Variants in AHRR observed in about 807,000 individuals in gnomAD.
AHRR encodes the protein aryl hydrocarbon receptor repressor.
A neutral mutation model predicts 44.0 loss-of-function variants in AHRR; 28 were observed. The observed-to-expected ratio is 0.64, with a 90% CI of 0.47 to 0.87. The LOEUF is 0.87. Among genes scored for constraint, AHRR ranks in the 40% least tolerant of loss-of-function variants. The pLI, the probability that AHRR is intolerant of heterozygous loss-of-function variation, is 0.00. For synonymous variants in AHRR, 434 were observed against 407.0 expected (o/e 1.07, Z -0.80); for missense variants, 990 against 953.9 (o/e 1.04, Z -0.50).
rs1247209711 is a variant in AHRR at position 340,040 on chromosome 5, AG to A, written c.-10-3852del. Among the ~76,000 whole-genome samples, 3 of 152,340 alleles carry A rather than the reference AG, an allele frequency of 2.0e-5. No individual in the cohort carries two copies. In the East Asian group the frequency reaches 5.8e-4, roughly 29 times the overall value. ...CGTGCAATGCCTTTGGTGTGGCATC[AG>A]AGTAATGCTGAATTCGTAAATAAGT... is the stretch of plus-strand genomic sequence containing the variant. On this transcript the variant is annotated intron_variant, in intron 1 of 10. Coordinates refer to ENST00000684583, the MANE Select transcript of AHRR (RefSeq NM_001377236.1).
At chr5:345,201 T>G (rs1467883670) in intron 2 of AHRR, among the ~76,000 whole-genome samples, 9 of 26,028 alleles carry the variant, frequency 3.5e-4, no homozygotes, top group Non-Finnish European at 6.1e-4. Flanking sequence ...TGTGTGTGTG[T>G]GTGTGTGTGT....
intron 1 of AHRR, among the ~76,000 whole-genome samples, chr5:330,945 C>T (rs1390721155): frequency 2.9e-5 from 4 of 138,970 alleles, no homozygotes; most frequent in Admixed American, 7.4e-5. Flanking sequence ...GTGATCTCGG[C>T]TCACTGCAAG....
chr5:349,012 A>C (rs1276020474), intron 2 of AHRR, among the ~76,000 whole-genome samples: 1 of 152,034 alleles, frequency 6.6e-6, no homozygotes, highest in Non-Finnish European at 1.5e-5. Flanking sequence ...GACCATCCTC[A>C]TGGGTTGGTG....
At chr5:423,181 G>T (rs1736212693) in intron 6 of AHRR, among the ~76,000 whole-genome samples, 1 of 152,166 alleles carries the variant, frequency 6.6e-6, no homozygotes, top group Non-Finnish European at 1.5e-5. Flanking sequence ...CTCCCCTCAA[G>T]TCTCACGTCT....
intron 4 of AHRR, among the ~76,000 whole-genome samples, chr5:408,233 GGGT>G (rs1394101472): frequency 3.3e-5 from 5 of 152,234 alleles, no homozygotes; most frequent in Admixed American, 6.5e-5. Flanking sequence ...CCCCTTGTAT[GGGT>G]GGTGGTGGGC....
intron 4 of AHRR, among the ~76,000 whole-genome samples, chr5:377,735 G>A (rs116367468): frequency 0.057 from 8,682 of 152,308 alleles, 378 homozygotes; most frequent in Non-Finnish European, 0.077. Context: ...CCCAGCTCCT[G>A]GGGCCTGGGA....
At chr5:416,011 C>T (rs563606728) in intron 5 of AHRR, among the ~76,000 whole-genome samples, 12 of 152,328 alleles carry the variant, frequency 7.9e-5, no homozygotes, top group East Asian at 1.9e-4. Flanking sequence ...ACGTGACTGC[C>T]GGGCCCATTG....
At position 422,870 on chromosome 5, in the gene AHRR, G is replaced by A; in HGVS notation, c.571+12G>A. On this transcript the variant is annotated intron_variant, in intron 6 of 10. Transcript: ENST00000684583. ...GCCCTTGGAGACAGGTGGGTGTCTG[G>A]GGTCCAAGTGAGTCAGCAAAACCTA... The A allele has an allele frequency of 6.2e-7, 1 of 1,603,330 alleles. No homozygotes were observed. The highest frequency in any genetic ancestry group is 8.5e-7 in the Non-Finnish European group (1 of 1,174,550).
At position 398,287 on chromosome 5, in the gene AHRR, A is replaced by G. The variant is rs984969452; in HGVS notation, c.352-15057A>G. Among the ~76,000 whole-genome samples the G allele has an allele frequency of 4.5e-4, 67 of 149,012 alleles. 1 individual carries two copies. Among genetic ancestry groups the G allele is most frequent in the African/African-American group, 1.6e-3 (64 of 39,522 alleles). ...CTGACCATCCACGTAGCCCCTGACC[A>G]TCCGTGTTAGCCCCTGACCTTCCGC... On this transcript the variant is annotated intron_variant, in intron 4 of 10. Transcript: ENST00000684583.
intron 3 of AHRR, among the ~76,000 whole-genome samples, chr5:375,661 C>T (rs1043987015): frequency 3.9e-5 from 6 of 152,212 alleles, no homozygotes; most frequent in East Asian, 1.9e-4. Context: ...CCGGGAGACG[C>T]GGGAGCAGCA....
chr5:398,141 T>C (rs1734836470), intron 4 of AHRR, among the ~76,000 whole-genome samples: 1 of 130,576 alleles, frequency 7.7e-6, no homozygotes, highest in African/African-American at 3.3e-5. Flanking sequence ...CCGTCCATGT[T>C]AGCCCCTGAC....
At position 353,717 on chromosome 5, in the gene AHRR, C is replaced by T. The variant is rs754811245; in HGVS notation, c.63-13C>T. ...GTGGAGAAGCCCACCTGACCCAGAC[C>T]ATCTCCCCACAGGAGGCCCGCCGTG... On this transcript the variant is annotated splice_polypyrimidine_tract_variant and intron_variant, in intron 2 of 10. Transcript: ENST00000684583. The T allele has an allele frequency of 3.1e-5, 49 of 1,599,124 alleles. No individual in the cohort carries two copies. In the South Asian group the frequency reaches 5.4e-4, roughly 17 times the overall value.
intron 3 of AHRR, among the ~76,000 whole-genome samples, chr5:365,135 GAAAA>G (rs1000855447): frequency 7.0e-6 from 1 of 143,128 alleles, no homozygotes; most frequent in African/African-American, 2.6e-5. Flanking sequence ...ACAATGCAAA[GAAAA>G]AAAAAAGGTT....
chr5:389,550 C>T (rs1236283923), intron 4 of AHRR, among the ~76,000 whole-genome samples: 2 of 152,074 alleles, frequency 1.3e-5, no homozygotes, highest in Non-Finnish European at 2.9e-5. Flanking sequence ...CCCAGGTCCC[C>T]CCATTCTGTG....
chr5:322,048 C>G (rs1741514475), intron 1 of AHRR, among the ~76,000 whole-genome samples: 1 of 152,046 alleles, frequency 6.6e-6, no homozygotes, highest in South Asian at 2.1e-4. Flanking sequence ...GCGGCGCGTC[C>G]ACGGTTCGTG....
chr5:390,160 C>T (rs182060628), intron 4 of AHRR, among the ~76,000 whole-genome samples: 251 of 152,240 alleles, frequency 1.6e-3, no homozygotes, highest in African/African-American at 4.9e-3. Context: ...CTGCAGTCAA[C>T]GGTAACTTAA....
At chr5:390,640 G>T (rs900224606) in intron 4 of AHRR, among the ~76,000 whole-genome samples, 3 of 152,152 alleles carry the variant, frequency 2.0e-5, no homozygotes, top group South Asian at 4.1e-4. Flanking sequence ...CAGGAAGATC[G>T]GAGGGCAGGG....
rs1733816778 is a variant in AHRR, at chr5:378,059, C to G, written c.351+1343C>G. On this transcript the variant is annotated intron_variant, in intron 4 of 10. Coordinates refer to ENST00000684583, the MANE Select transcript of AHRR (RefSeq NM_001377236.1). The stretch of plus-strand genomic sequence containing the variant: ...CATGTCCTCTGGCCCACGGAAATTT[C>G]TGGAAGTTTGCTTAGATTGCATCTG... Among the ~76,000 whole-genome samples the G allele has an allele frequency of 2.6e-5, 4 of 152,188 alleles. No individual in the cohort carries two copies. The South Asian group carries it at 8.3e-4, about 32-fold the overall frequency.
intron 3 of AHRR, among the ~76,000 whole-genome samples, 179 bp from the exon 4 acceptor site, chr5:376,431 C>T (rs1234523167): frequency 7.6e-5 from 1 of 13,080 alleles, no homozygotes; most frequent in East Asian, 2.1e-3. Context: ...TCCTGCCCCA[C>T]CTTGGACTCT....
Sources: allele counts gnomAD v4.1 joint callset (sites outside exome capture counted in the v4.1 genomes callset), GRCh38; gene constraint gnomAD v4.1.1; transcripts MANE v1.5; gene names NCBI Gene and HGNC (gene_info 2026-07-23, HGNC 2026-07-21).